The following TDRD10 variants were observed in gnomAD, a reference collection of about 807,000 sequenced individuals.
TDRD10 encodes the protein tudor domain-containing protein 10.
In TDRD10, 40 loss-of-function variants were observed where a neutral mutation model predicts 48.0. The observed-to-expected ratio is 0.83, with a 90% CI of 0.65 to 1.09. The LOEUF (loss-of-function observed/expected upper bound fraction) is 1.09. Ranked by LOEUF, TDRD10 falls within the 50% of genes least tolerant of loss-of-function variation. The pLI is 0.00. For synonymous variants in TDRD10, 162 were observed against 170.4 expected (o/e 0.95, Z 0.38); for missense variants, 378 against 434.7 (o/e 0.87, Z 1.16).
At chr1:154,516,359 G>C (rs1693768200) in intron 4 of TDRD10, among the ~76,000 whole-genome samples, 1 of 151,936 alleles carries the variant, frequency 6.6e-6, no homozygotes, top group African/African-American at 2.4e-5. Flanking sequence ...GCTTCGAGAA[G>C]GTGGGAAGGA....
intron 6 of TDRD10, among the ~76,000 whole-genome samples, chr1:154,539,395 C>T (rs1028613756): frequency 2.0e-5 from 3 of 152,270 alleles, no homozygotes; most frequent in East Asian, 1.9e-4. Context: ...TCCGCCTCCC[C>T]GGGTTCAAGC....
At chr1:154,514,058 C>G (rs527838658) in intron 4 of TDRD10, among the ~76,000 whole-genome samples, 1 of 152,086 alleles carries the variant, frequency 6.6e-6, no homozygotes, top group Non-Finnish European at 1.5e-5. Context: ...GACACGGTGG[C>G]GGGTGCCTGT....
At chr1:154,544,997 G>T in intron 11 of TDRD10, 48 bp downstream of exon 11, 1 of 1,598,748 alleles carries the variant, frequency 6.3e-7, no homozygotes, top group Non-Finnish European at 8.5e-7. Flanking sequence ...GACAGGAGAA[G>T]CCATGGTTGC....
intron 6 of TDRD10, among the ~76,000 whole-genome samples, chr1:154,523,320 C>T (rs771957472): frequency 5.9e-5 from 9 of 152,194 alleles, no homozygotes; most frequent in South Asian, 2.1e-4. Context: ...TCCCACTCTG[C>T]GCTGTCCCCC....
chr1:154,530,145 G>A (rs954311770), intron 6 of TDRD10, among the ~76,000 whole-genome samples: 1 of 152,062 alleles, frequency 6.6e-6, no homozygotes, highest in African/African-American at 2.4e-5. Context: ...CTCCCGAGGA[G>A]CTGGAATTAC....
At chr1:154,504,785 CAGAT>C (rs1000257557) in intron 1 of TDRD10, among the ~76,000 whole-genome samples, 4 of 152,070 alleles carry the variant, frequency 2.6e-5, no homozygotes, top group Non-Finnish European at 5.9e-5. Flanking sequence ...TTTAAAAACA[CAGAT>C]AAAGCCTGGC....
At chr1:154,543,826 G>A in intron 8 of TDRD10, 137 bp from the exon 9 acceptor site, 1 of 1,324,490 alleles carries the variant, frequency 7.6e-7, no homozygotes, top group African/African-American at 1.5e-5. Flanking sequence ...CCTAGAGGGG[G>A]TGGGCACAGC....
chr1:154,523,408 AAC>A (rs1401315938), intron 6 of TDRD10, among the ~76,000 whole-genome samples: 2 of 152,328 alleles, frequency 1.3e-5, no homozygotes, highest in African/African-American at 2.4e-5. Context: ...AGGGTTTGTG[AAC>A]ACAGTTTTCT....
intron 5 of TDRD10, among the ~76,000 whole-genome samples, chr1:154,520,644 A>G (rs1313086139): frequency 6.6e-6 from 1 of 152,210 alleles, no homozygotes; most frequent in Non-Finnish European, 1.5e-5. Context: ...CTGACTTGAG[A>G]TAAGTTACTA....
Position 154,542,215 on chromosome 1 carries a change from A to T in TDRD10, c.412+149A>T, listed in dbSNP as rs1043016790. ...TCCCTTTTCCCTTTCTTCCTCTAGG[A>T]TGCTTGCTTGCTTGCTTTCATTTTT... On this transcript the variant is annotated intron_variant, in intron 7 of 12. Transcript: ENST00000368482. 3.8e-6 allele frequency: 3 copies of T among 780,032 alleles called. No homozygotes were observed. In the Admixed American group the frequency reaches 8.8e-5, roughly 23 times the overall value. The allele number at this position is 780,032 out of a possible 1,614,324, so 48.3% of individuals were successfully genotyped here.
At chr1:154,535,682 T>TA (rs1407936717) in intron 6 of TDRD10, among the ~76,000 whole-genome samples, 1 of 151,934 alleles carries the variant, frequency 6.6e-6, no homozygotes, top group East Asian at 1.9e-4. Flanking sequence ...CTGTCACTTT[T>TA]AAAAAAAGGT....
At chr1:154,542,872 C>A (rs1557836690) in intron 8 of TDRD10, 51 bp downstream of exon 8, 3 of 1,475,348 alleles carry the variant, frequency 2.0e-6, no homozygotes, top group Non-Finnish European at 2.8e-6. Context: ...TACAGACATC[C>A]TCTGTCCCCC....
chr1:154,534,349 A>G (rs1248202723), intron 6 of TDRD10, among the ~76,000 whole-genome samples: 1 of 152,244 alleles, frequency 6.6e-6, no homozygotes, highest in Non-Finnish European at 1.5e-5. Flanking sequence ...AAACAACCTA[A>G]TAGAAAAATG....
chr1:154,541,939 C>T, intron 6 of TDRD10, 85 bp from the exon 7 acceptor site: 2 of 1,389,964 alleles, frequency 1.4e-6, no homozygotes, highest in Non-Finnish European at 1.0e-6. Context: ...GCTCTGTCTC[C>T]CAGTCTACCT....
intron 6 of TDRD10, among the ~76,000 whole-genome samples, chr1:154,526,962 T>C (rs1413839425): frequency 6.6e-6 from 1 of 151,694 alleles, no homozygotes; most frequent in African/African-American, 2.4e-5. Context: ...CAGGCTGGAG[T>C]GCAGTGGCAC....
At chr1:154,505,583 T>A (rs889278816) in intron 1 of TDRD10, among the ~76,000 whole-genome samples, 15 of 152,226 alleles carry the variant, frequency 9.9e-5, no homozygotes. Flanking sequence ...ATTTTAAAAT[T>A]TAATGTTTTA....
chr1:154,540,505 T>TATA (rs1188173322), intron 6 of TDRD10, among the ~76,000 whole-genome samples: 1 of 11,026 alleles, frequency 9.1e-5, no homozygotes, highest in Non-Finnish European at 1.7e-4. Flanking sequence ...ACCCCATCTC[T>TATA]ACAAAAAAAA....
At chr1:154,544,665 T>C (rs1695451626) in intron 10 of TDRD10, 130 bp from the exon 11 acceptor site, 2 of 1,478,280 alleles carry the variant, frequency 1.4e-6, no homozygotes, top group East Asian at 2.3e-5. Flanking sequence ...CACTCAAGGA[T>C]TGGGGAGAAA....
intron 1 of TDRD10, among the ~76,000 whole-genome samples, chr1:154,504,177 C>T (rs542970632): frequency 7.2e-5 from 11 of 152,298 alleles, no homozygotes; most frequent in African/African-American, 2.6e-4. Context: ...TCAGATTCAT[C>T]CAGGTCGTAT....
Sources: gnomAD v4.1 joint callset for allele counts (sites outside exome capture counted in the v4.1 genomes callset) on GRCh38, gnomAD v4.1.1 for gene constraint, MANE v1.5 for transcripts, NCBI Gene and HGNC (gene_info 2026-07-23, HGNC 2026-07-21) for gene names.